The following PSEN1 variants were observed in gnomAD, a reference collection of about 807,000 sequenced individuals.
PSEN1 encodes presenilin 1.
A neutral mutation model predicts 53.5 loss-of-function variants in PSEN1; 15 were observed. That is an observed-to-expected ratio of 0.28 (90% CI 0.19 to 0.43). The LOEUF is 0.43. Among genes scored for constraint, PSEN1 ranks in the 20% least tolerant of loss-of-function variants. The pLI, the probability that PSEN1 is intolerant of heterozygous loss-of-function variation, is 1.00. For missense variants in PSEN1, 387 were observed against 571.2 expected (o/e 0.68, Z 3.29); for synonymous variants, 208 against 209.8 (o/e 0.99, Z 0.08).
At chr14:73,184,654 C>G in intron 5 of PSEN1, among the ~76,000 whole-genome samples, 1 of 147,974 alleles carries the variant, frequency 6.8e-6, no homozygotes, top group South Asian at 2.2e-4. Flanking sequence ...GCTGACCCCC[C>G]CACCTCCCTC....
rs1899461199 is a variant in PSEN1, at chr14:73,206,455, C to G, written c.938C>G (p.Ser313Cys). ...GCTCAAAGGAGAGTATCCAAAAATT[C>G]CAAGTATAATGCAGAAAGTAGGTAA... ...PEAQRRVSKN[S>C]KYNAESTERE... Residue 313 changes from serine to cysteine, a missense_variant, in exon 9 of 12, where the codon TCC becomes TGC. Coordinates refer to ENST00000324501, the MANE Select transcript of PSEN1 (RefSeq NM_000021.4). 1.2e-6 allele frequency: 2 copies of G among 1,613,324 alleles called. No individual in the cohort carries two copies. Among genetic ancestry groups the G allele is most frequent in the Non-Finnish European group, 1.7e-6 (2 of 1,179,354 alleles).
At chr14:73,184,373 G>A (rs1388677431) in intron 5 of PSEN1, among the ~76,000 whole-genome samples, 3 of 125,276 alleles carry the variant, frequency 2.4e-5, no homozygotes, top group Admixed American at 7.8e-5. Flanking sequence ...CGGACGGGGC[G>A]GCTGGCCGGG....
chr14:73,170,823 C>A lies in PSEN1; in HGVS notation c.114C>A (p.His38Gln), dbSNP rs938687393. ...SQNDNRERQE[H>Q]NDRRSLGHPE... ...ATGACAATAGAGAACGGCAGGAGCA[C>A]AACGACAGACGGAGCCTTGGCCACC... Residue 38 changes from histidine (H) to glutamine (Q), a missense_variant, in exon 4 of 12, where the codon CAC (histidine) becomes CAA (glutamine). Physicochemically the swap from His to Gln is conservative, Grantham distance 24. Transcript: ENST00000324501. 1 of 1,614,136 alleles carries A rather than the reference C, an allele frequency of 6.2e-7. No individual in the cohort carries two copies.
At chr14:73,167,828 C>CTTTTTTTTTTTTTTTT (rs34669034) in intron 3 of PSEN1, 1 of 125,792 alleles carries the variant, frequency 7.9e-6, no homozygotes, top group Non-Finnish European at 1.7e-5. Flanking sequence ...CCTCTTCCAC[C>CTTTTTTTTTTTTTTTT]TTTTTTTTTT....
chr14:73,168,710 T>C (rs2140031303), intron 3 of PSEN1: 1 of 152,418 alleles, frequency 6.6e-6, no homozygotes, highest in East Asian at 1.9e-4. Context: ...CTGCATATAC[T>C]ACCCTTCAAT....
rs980403694 is a variant in PSEN1, at chr14:73,189,885, C to G, written c.549-2759C>G. On this transcript the variant is annotated intron_variant, in intron 6 of 11. Transcript: ENST00000324501. ...CCCTTGACCTTTACCATGTGTTGGT[C>G]TCCCTTGACCGGGTGGGCACTGAGC... The G allele has an allele frequency of 1.0e-4, 21 of 205,650 alleles. 1 individual carries two copies. Among genetic ancestry groups the G allele is most frequent in the African/African-American group, 4.7e-4 (20 of 42,358 alleles). The allele number at this position is 205,650 out of a possible 1,614,324, so 12.7% of individuals were successfully genotyped here.
At position 73,170,998 on chromosome 14, in the gene PSEN1, G is replaced by A. The variant is rs63750852; in HGVS notation, c.289G>A (p.Val97Met). 8.1e-6 allele frequency: 13 copies of A among 1,614,054 alleles called. No individual in the cohort carries two copies. The highest frequency in any genetic ancestry group is 1.1e-5 in the South Asian group (1 of 91,088). Residue 97 changes from valine (V) to methionine (M), a missense_variant, in exon 4 of 12, where the codon GTG becomes ATG. By Grantham distance (21) the Val-to-Met change is conservative. This residue lies in a region of PSEN1 where 169 missense variants were observed against 299.7 expected (regional missense o/e 0.56). Transcript: ENST00000324501. The part of the protein sequence containing the change: ...VPVTLCMVVV[V>M]ATIKSVSFYT... ...TGTGACTCTCTGCATGGTGGTGGTC[G>A]TGGCTACCATTAAGTCAGTCAGCTT... is the stretch of plus-strand genomic sequence containing the variant.
chr14:73,205,214 C>T (rs1206508810), intron 8 of PSEN1, among the ~76,000 whole-genome samples: 3 of 151,682 alleles, frequency 2.0e-5, no homozygotes, highest in Non-Finnish European at 2.9e-5. Context: ...TGGTGGCTCA[C>T]GCCTGTAATC....
At chr14:73,201,011 A>G (rs543540913) in intron 8 of PSEN1, among the ~76,000 whole-genome samples, 1 of 152,256 alleles carries the variant, frequency 6.6e-6, no homozygotes, top group South Asian at 2.1e-4. Context: ...TGATCGTGCC[A>G]CTGCACTCCA....
intron 5 of PSEN1, among the ~76,000 whole-genome samples, chr14:73,180,002 T>G (rs1047038476): frequency 6.7e-6 from 1 of 150,254 alleles, no homozygotes; most frequent in Non-Finnish European, 1.5e-5. Context: ...TTTTTTTTTT[T>G]GAGACGGAGT....
In PSEN1 at chr14:73,216,687, C is replaced by T. The variant is rs180898071; in HGVS notation, c.1130-439C>T. On this transcript the variant is annotated intron_variant, in intron 10 of 11. Coordinates refer to ENST00000324501, the MANE Select transcript of PSEN1 (RefSeq NM_000021.4). ...GACAGGAAAGTCGCTTGAACCTGGG[C>T]GGCAGAGTCTGCAGTGAGCCGAGAT... is the stretch of plus-strand genomic sequence containing the variant. Among the ~76,000 whole-genome samples, 8 of 151,256 alleles carry T rather than the reference C, an allele frequency of 5.3e-5. No homozygotes were observed. The South Asian group carries it at 6.3e-4, about 12-fold the overall frequency.
rs192063907 is a variant in PSEN1, at chr14:73,222,420, G to A, written c.*3131G>A. On this transcript the variant is annotated 3_prime_UTR_variant, in exon 12 of 12. Transcript: ENST00000324501. ...GGCCTCAGACAGTGTATGTATTCTC[G>A]ATATAACTTGTAGAGTGTGAAATAT... 3 of 152,210 alleles carry A rather than the reference G, an allele frequency of 2.0e-5. No individual in the cohort carries two copies. The highest frequency in any genetic ancestry group is 4.4e-5 in the Non-Finnish European group (3 of 68,012). The allele number at this position is 152,210 out of a possible 1,614,324, so 9.4% of individuals were successfully genotyped here.
chr14:73,211,343 GT>G (rs1899669767), intron 9 of PSEN1, among the ~76,000 whole-genome samples: 1 of 152,132 alleles, frequency 6.6e-6, no homozygotes, highest in Admixed American at 6.6e-5. Context: ...ACATTCAGGG[GT>G]AGAAGGGGAC....
At chr14:73,183,939 C>T (rs1404665810) in intron 5 of PSEN1, among the ~76,000 whole-genome samples, 1 of 144,568 alleles carries the variant, frequency 6.9e-6, no homozygotes, top group Admixed American at 6.7e-5. Context: ...GACCCCCCCA[C>T]CTCCCTCCCG....
chr14:73,181,124 G>A (rs1221158569), intron 5 of PSEN1, among the ~76,000 whole-genome samples: 4 of 152,134 alleles, frequency 2.6e-5, no homozygotes, highest in Non-Finnish European at 5.9e-5. Flanking sequence ...CGTATGAGTA[G>A]ACTATTATTT....
rs1158344723 is a variant in PSEN1 at position 73,221,727 on chromosome 14, AG to A, written c.*2439del. Reference sequence around the variant, plus strand: ...TTTCTTTAAATCATTCATCTCAGGCAGAGAACTTTTCCCTCAAACATTCTTT... The same window carrying A: ...TTTCTTTAAATCATTCATCTCAGGCAAGAACTTTTCCCTCAAACATTCTTT... On this transcript the variant is annotated 3_prime_UTR_variant, in exon 12 of 12. Coordinates refer to ENST00000324501, the MANE Select transcript of PSEN1 (RefSeq NM_000021.4). 6.6e-6 allele frequency: 1 copy of A among 152,206 alleles called. No homozygotes were observed. The highest frequency in any genetic ancestry group is 1.5e-5 in the Non-Finnish European group (1 of 68,038). 9.4% of individuals were successfully genotyped at this position (152,206 alleles called of 1,614,324 possible).
At chr14:73,213,096 T>C (rs1245361494) in intron 10 of PSEN1, among the ~76,000 whole-genome samples, 1 of 152,208 alleles carries the variant, frequency 6.6e-6, no homozygotes, top group African/African-American at 2.4e-5. Context: ...ACTGCTTGGC[T>C]GAGTTTTCCA....
Position 73,217,217 on chromosome 14 carries a change from C to A in PSEN1, c.1221C>A (p.Thr407=), listed in dbSNP as rs201087233. The part of the protein sequence containing the change: ...SATASGDWNT[T]IACFVAILIG... Reference sequence around the variant, plus strand: ...CAGCCAGTGGAGACTGGAACACAACCATAGCCTGTTTCGTAGCCATATTAA... The same window carrying A: ...CAGCCAGTGGAGACTGGAACACAACAATAGCCTGTTTCGTAGCCATATTAA... The change falls in exon 11 of 12, where the codon ACC becomes ACA. Residue 407 remains threonine, a synonymous_variant. Coordinates refer to ENST00000324501, the MANE Select transcript of PSEN1 (RefSeq NM_000021.4). 12 of 1,614,016 alleles carry A rather than the reference C, an allele frequency of 7.4e-6. No homozygotes were observed. The highest frequency in any genetic ancestry group is 1.0e-5 in the Non-Finnish European group (12 of 1,179,912).
At chr14:73,179,771 T>C (rs1223050919) in intron 5 of PSEN1, among the ~76,000 whole-genome samples, 2 of 152,148 alleles carry the variant, frequency 1.3e-5, no homozygotes, top group African/African-American at 4.8e-5. Flanking sequence ...GGAAAAAAAG[T>C]GGTCAGCTCA....
Sources: allele counts gnomAD v4.1 joint callset (sites outside exome capture counted in the v4.1 genomes callset), GRCh38; gene constraint gnomAD v4.1.1; regional missense constraint gnomAD v4.1.1; transcripts MANE v1.5; gene names NCBI Gene and HGNC (gene_info 2026-07-23, HGNC 2026-07-21).